Variants in GABRB1 observed in about 807,000 individuals in gnomAD.
The protein encoded by GABRB1 is gamma-aminobutyric acid receptor subunit beta-1.
Under a neutral mutation model 51.6 loss-of-function variants are expected in GABRB1, and 17 were observed. That is an observed-to-expected ratio of 0.33 (90% confidence interval 0.23 to 0.49). GABRB1 has a LOEUF of 0.49. GABRB1 is among the 20% of genes least tolerant of loss of function. The pLI, the probability that GABRB1 is intolerant of heterozygous loss-of-function variation, is 0.99. For missense variants in GABRB1, 410 were observed against 600.6 expected, an observed-to-expected ratio of 0.68 and a Z score of 3.32; for synonymous variants, 247 against 218.9, an observed-to-expected ratio of 1.13 and a Z score of -1.14.
intron 4 of GABRB1, among the ~76,000 whole-genome samples, chr4:47,222,577 T>C (rs955651700): frequency 1.3e-5 from 2 of 152,148 alleles, no homozygotes; most frequent in African/African-American, 2.4e-5. Context: ...ACAGCTAGCA[T>C]TCACAAGACA....
In GABRB1 at chr4:47,424,409, A is replaced by ATG. The variant is rs1471032608; in HGVS notation, c.1081-1264_1081-1263dup. ...AACAGTAATATAAATGCTACTCATG[A>ATG]TGGGAACACAATAAATCTTAGTTCT... is the stretch of plus-strand genomic sequence containing the variant. On this transcript the variant is annotated intron_variant, in intron 8 of 8. Transcript: ENST00000295454. Among the ~76,000 whole-genome samples, 3 of 152,334 alleles carry ATG rather than the reference A, an allele frequency of 2.0e-5. No homozygotes were observed. The South Asian group carries it at 6.2e-4, about 32-fold the overall frequency.
rs1473065096 is a variant in GABRB1 at position 47,053,062 on chromosome 4, T to C, written c.240+20578T>C. Among the ~76,000 whole-genome samples the C allele has an allele frequency of 2.0e-5, 3 of 152,110 alleles. No homozygotes were observed. In the East Asian group the frequency reaches 5.8e-4, roughly 29 times the overall value. On this transcript the variant is annotated intron_variant, in intron 3 of 8. Coordinates refer to ENST00000295454, the MANE Select transcript of GABRB1 (RefSeq NM_000812.4). ...AAAACGCTGTTGGGAACAACTCCTG[T>C]GGGGCAGTGAGGGCAAGAGCATTAG...
intron 4 of GABRB1, among the ~76,000 whole-genome samples, chr4:47,257,044 C>T (rs1037515751): frequency 2.6e-5 from 4 of 152,124 alleles, no homozygotes; most frequent in African/African-American, 4.8e-5. Flanking sequence ...GCTTTCTACC[C>T]AAGCAAGCTG....
intron 5 of GABRB1, among the ~76,000 whole-genome samples, chr4:47,369,119 AT>A (rs33921415): frequency 0.11 from 15,970 of 151,882 alleles, 913 homozygotes; most frequent in Non-Finnish European, 0.13. Context: ...ATTTAAAAAA[AT>A]TTTTTTTTAA....
At chr4:47,350,022 A>G (rs1010775698) in intron 5 of GABRB1, among the ~76,000 whole-genome samples, 12 of 152,050 alleles carry the variant, frequency 7.9e-5, no homozygotes, top group Admixed American at 7.9e-4. Context: ...GAGAGAATAC[A>G]ATAATCTATA....
At chr4:47,233,436 G>A (rs192602189) in intron 4 of GABRB1, among the ~76,000 whole-genome samples, 18 of 152,156 alleles carry the variant, frequency 1.2e-4, no homozygotes, top group African/African-American at 3.4e-4. Flanking sequence ...TGCTTGCCAC[G>A]CATTTAATAT....
Position 47,254,361 on chromosome 4 carries a change from G to GGTTTTTTTT in GABRB1, c.462-65766_462-65765insGTTTTTTTT, listed in dbSNP as rs1305298443. 1.1e-4 allele frequency among the ~76,000 whole-genome samples: 9 copies of GGTTTTTTTT among 80,966 alleles called. 1 individual carries two copies. The highest frequency in any genetic ancestry group is 2.6e-4 in the African/African-American group (5 of 19,264). 53.1% of individuals were successfully genotyped at this position (80,966 alleles called of 152,430 possible). On this transcript the variant is annotated intron_variant, in intron 4 of 8. Transcript: ENST00000295454. The stretch of plus-strand genomic sequence containing the variant: ...ATGGTGGATGATGTTTCTTTTCTTT[G>GGTTTTTTTT]TTTTTTTTTTTTTTTTTTTTTTTTT...
chr4:47,358,592 C>A (rs749558941), intron 5 of GABRB1, among the ~76,000 whole-genome samples: 2 of 151,984 alleles, frequency 1.3e-5, no homozygotes, highest in African/African-American at 2.4e-5. Flanking sequence ...CATGTCTGTG[C>A]CCAAATTTCC....
At chr4:47,340,715 T>C (rs1725855553) in intron 5 of GABRB1, among the ~76,000 whole-genome samples, 1 of 152,042 alleles carries the variant, frequency 6.6e-6, no homozygotes, top group African/African-American at 2.4e-5. Context: ...GATTTCAACA[T>C]AAAAATGTTC....
intron 4 of GABRB1, among the ~76,000 whole-genome samples, chr4:47,227,102 C>T (rs1029536880): frequency 3.9e-5 from 6 of 152,226 alleles, no homozygotes; most frequent in African/African-American, 9.6e-5. Context: ...AGAGGAATGC[C>T]GCAGGTGCCT....
intron 3 of GABRB1, among the ~76,000 whole-genome samples, chr4:47,048,521 G>A (rs1726198919): frequency 6.6e-6 from 1 of 152,104 alleles, no homozygotes; most frequent in Non-Finnish European, 1.5e-5. Context: ...ATTTAAGCGT[G>A]ATGCATTCAA....
chr4:47,092,412 A>G (rs1308818556), intron 3 of GABRB1, among the ~76,000 whole-genome samples: 1 of 151,456 alleles, frequency 6.6e-6, no homozygotes, highest in Non-Finnish European at 1.5e-5. Context: ...ACTTAAGGTG[A>G]TCCGCCCACC....
At position 47,184,402 on chromosome 4, in the gene GABRB1, G is replaced by A. The variant is rs144067226; in HGVS notation, c.461+22933G>A. ...CTAACATGTAATATTGTGTTGAAATGAACGAATGAATAAATGGAAGGACGG... is the reference window on the plus strand; with the variant it reads ...CTAACATGTAATATTGTGTTGAAATAAACGAATGAATAAATGGAAGGACGG... On this transcript the variant is annotated intron_variant, in intron 4 of 8. Coordinates refer to ENST00000295454, the MANE Select transcript of GABRB1 (RefSeq NM_000812.4). Among the ~76,000 whole-genome samples the A allele has an allele frequency of 6.1e-3, 925 of 151,944 alleles. 8 individuals are homozygous for A. Among genetic ancestry groups the A allele is most frequent in the African/African-American group, 0.021 (871 of 41,496 alleles).
At chr4:47,284,120 A>G (rs1465394615) in intron 4 of GABRB1, among the ~76,000 whole-genome samples, 3 of 150,262 alleles carry the variant, frequency 2.0e-5, no homozygotes, top group South Asian at 2.1e-4. Flanking sequence ...AAAAAAAAAA[A>G]GGAAGTCCCA....
intron 5 of GABRB1, among the ~76,000 whole-genome samples, chr4:47,375,986 A>G (rs186191038): frequency 6.6e-6 from 1 of 152,314 alleles, no homozygotes. Context: ...TTATGTGCCA[A>G]AGGAATTTTC....
chr4:47,118,756 A>G (rs937406251), intron 3 of GABRB1, among the ~76,000 whole-genome samples: 2 of 152,150 alleles, frequency 1.3e-5, no homozygotes, highest in Non-Finnish European at 2.9e-5. Context: ...ATATCTCTCA[A>G]TACCTCCAGA....
In GABRB1 at chr4:47,032,430, C is replaced by G; in HGVS notation, c.186C>G (p.Asp62Glu). ...LRPDFGGPPV[D>E]VGMRIDVASI... ...CCTCCCCGGCAGGGCCCCCCGTCGACGTTGGGATGCGGATCGATGTCGCCA... is the reference window on the plus strand; with the variant it reads ...CCTCCCCGGCAGGGCCCCCCGTCGAGGTTGGGATGCGGATCGATGTCGCCA... Residue 62 changes from aspartate (D) to glutamate (E), a missense_variant, in exon 3 of 9, where the codon GAC becomes GAG. Asp to Glu is a conservative substitution (Grantham distance 45). Around this residue, in one of 5 missense-constraint regions of GABRB1, gnomAD observed 100 missense variants for 184.3 expected, o/e 0.54. Coordinates refer to ENST00000295454, the MANE Select transcript of GABRB1 (RefSeq NM_000812.4). 1 of 1,592,746 alleles carries G rather than the reference C, an allele frequency of 6.3e-7. No homozygotes were observed. The highest frequency in any genetic ancestry group is 8.6e-7 in the Non-Finnish European group (1 of 1,166,496).
At chr4:47,397,255 G>T (rs777926066) in intron 5 of GABRB1, among the ~76,000 whole-genome samples, 1 of 151,972 alleles carries the variant, frequency 6.6e-6, no homozygotes, top group African/African-American at 2.4e-5. Context: ...GTATAAGCAT[G>T]GTCATATTTT....
At chr4:47,371,627 A>T (rs1402732721) in intron 5 of GABRB1, among the ~76,000 whole-genome samples, 1 of 152,154 alleles carries the variant, frequency 6.6e-6, no homozygotes, top group Non-Finnish European at 1.5e-5. Flanking sequence ...AATAATTGCC[A>T]TTCTGACTAG....
Sources: gnomAD v4.1 joint callset for allele counts (sites outside exome capture counted in the v4.1 genomes callset) on GRCh38, gnomAD v4.1.1 for gene constraint, gnomAD v4.1.1 regional missense constraint, MANE v1.5 for transcripts, NCBI Gene and HGNC (gene_info 2026-07-23, HGNC 2026-07-21) for gene names.